FBXO34: variants seen among roughly 807,000 people sequenced by gnomAD.
FBXO34 encodes F-box only protein 34.
In FBXO34, 12 loss-of-function variants were observed where a neutral mutation model predicts 24.5. The observed-to-expected ratio is 0.49, with a 90% confidence interval of 0.31 to 0.79. The LOEUF (loss-of-function observed/expected upper bound fraction) is 0.79, where lower values mean the gene tolerates loss of function less well. FBXO34 is among the 30% of genes least tolerant of loss of function. The pLI, the probability that FBXO34 is intolerant of heterozygous loss-of-function variation, is 0.04. For synonymous variants in FBXO34, 320 were observed against 311.9 expected, an observed-to-expected ratio of 1.03 and a Z score of -0.27; for missense variants, 823 against 857.7, an observed-to-expected ratio of 0.96 and a Z score of 0.51.
At chr14:55,274,977 A>C (rs1474216507) in intron 1 of FBXO34, among the ~76,000 whole-genome samples, 2 of 152,242 alleles carry the variant, frequency 1.3e-5, no homozygotes, top group African/African-American at 4.8e-5. Flanking sequence ...CAACAAAAAC[A>C]AAAAAGAGCA....
In FBXO34 at chr14:55,301,228, G is replaced by A. The variant is rs531038878; in HGVS notation, c.-11+29691G>A. ...AGGAGGGGAGGATTGGTTGTCTCCA[G>A]GAGTTTGAGACCAGCCTGGGCAACA... On this transcript the variant is annotated intron_variant, in intron 1 of 1. Coordinates refer to ENST00000313833, the MANE Select transcript of FBXO34 (RefSeq NM_017943.4). Among the ~76,000 whole-genome samples the A allele has an allele frequency of 7.9e-5, 12 of 152,268 alleles. 1 individual carries two copies. The South Asian group carries it at 2.5e-3, about 32-fold the overall frequency.
chr14:55,351,192 G>C lies in FBXO34; in HGVS notation c.802G>C (p.Glu268Gln). Residue 268 changes from glutamate to glutamine, a missense_variant, in exon 2 of 2, where the codon GAG (glutamate) becomes CAG (glutamine). Physicochemically the swap from Glu to Gln is conservative, Grantham distance 29 (BLOSUM62 2). This residue lies in a region of FBXO34 where 693 missense variants were observed against 659.1 expected (regional missense o/e 1.05). Transcript: ENST00000313833. ...AGAACCCACAGAAAGGGGAAATCTT[G>C]AGGTTGGTGAACCACAGAGCGAACC... The part of the protein sequence containing the change: ...CEEPTERGNL[E>Q]VGEPQSEPVR... 6.2e-7 allele frequency: 1 copy of C among 1,614,228 alleles called. No individual in the cohort carries two copies. Among genetic ancestry groups the C allele is most frequent in the Non-Finnish European group, 8.5e-7 (1 of 1,180,042 alleles).
the FBXO34 span, chr14:55,436,526 CA>C: frequency 1.3e-6 from 2 of 1,557,882 alleles, no homozygotes; most frequent in Non-Finnish European, 1.8e-6. Flanking sequence ...AATGTGTACC[CA>C]ATGTGCTCAA....
the FBXO34 span, among the ~76,000 whole-genome samples, chr14:55,384,561 T>C: frequency 1.2e-4 from 18 of 152,362 alleles, no homozygotes; most frequent in African/African-American, 4.1e-4. Flanking sequence ...CCTTTTTATT[T>C]TTCTATTTGC....
At chr14:55,433,540 A>T in the FBXO34 span, 2 of 1,241,842 alleles carry the variant, frequency 1.6e-6, no homozygotes, top group East Asian at 4.7e-5. Flanking sequence ...TTTTGCTTCT[A>T]CTATGTGCTT....
At chr14:55,366,701 C>T (rs1488682210), downstream of FBXO34, 1 of 152,496 alleles carries the variant, frequency 6.6e-6, no homozygotes, top group African/African-American at 2.4e-5. Flanking sequence ...CTGTTTGGTG[C>T]CTGTGGGTTT....
chr14:55,303,580 C>G (rs1882437064), intron 1 of FBXO34, among the ~76,000 whole-genome samples: 1 of 149,638 alleles, frequency 6.7e-6, no homozygotes, highest in African/African-American at 2.5e-5. Flanking sequence ...GGACAACTCC[C>G]CTCTCCCATT....
the FBXO34 span, among the ~76,000 whole-genome samples, chr14:55,410,719 C>T: frequency 2.6e-5 from 4 of 152,206 alleles, no homozygotes; most frequent in Admixed American, 6.5e-5. Context: ...AAAGCACTTA[C>T]TGTGCAGCTT....
the FBXO34 span, among the ~76,000 whole-genome samples, chr14:55,410,008 T>C: frequency 6.6e-6 from 1 of 151,932 alleles, no homozygotes; most frequent in African/African-American, 2.4e-5. Context: ...AGATAAGTTT[T>C]GAAGAGTAGA....
At chr14:55,279,891 C>T (rs1020140103) in intron 1 of FBXO34, among the ~76,000 whole-genome samples, 5 of 152,326 alleles carry the variant, frequency 3.3e-5, no homozygotes, top group Admixed American at 2.0e-4. Flanking sequence ...CCAGTAGATA[C>T]TGAGTAGCAA....
chr14:55,407,793 G>A, the FBXO34 span, among the ~76,000 whole-genome samples: 6 of 152,148 alleles, frequency 3.9e-5, no homozygotes, highest in African/African-American at 1.4e-4. Flanking sequence ...TAATGAATAG[G>A]GGAAAAGATG....
In FBXO34 at chr14:55,351,017, G is replaced by A. The variant is rs1379418870; in HGVS notation, c.627G>A (p.Gln209=). ...VYAGRPLSVI[Q]MVAFLEQRAS... is the part of the protein sequence containing the mutation. ...CTGGGAGGCCTCTGTCAGTTATACA[G>A]ATGGTTGCCTTCTTGGAGCAAAGAG... Residue 209 remains glutamine (Q), a synonymous_variant, in exon 2 of 2, where the codon CAG becomes CAA. Transcript: ENST00000313833. 2 of 1,614,230 alleles carry A rather than the reference G, an allele frequency of 1.2e-6. No individual in the cohort carries two copies. Among genetic ancestry groups the A allele is most frequent in the South Asian group, 2.2e-5 (2 of 91,086 alleles).
chr14:55,352,598 G>GC lies in FBXO34; in HGVS notation c.*73dup, dbSNP rs1884431566. On this transcript the variant is annotated 3_prime_UTR_variant, in exon 2 of 2. Transcript: ENST00000313833. Reference sequence around the variant, plus strand: ...ACACCTAGATACACCGTTCAAATGAGCGTAGCCCCCTGAGTCATCACTCTA... The same window carrying GC: ...ACACCTAGATACACCGTTCAAATGAGCCGTAGCCCCCTGAGTCATCACTCTA... 2.4e-6 allele frequency: 3 copies of GC among 1,267,212 alleles called. No homozygotes were observed. Among genetic ancestry groups the GC allele is most frequent in the Non-Finnish European group, 2.2e-6 (2 of 922,132 alleles). The allele number at this position is 1,267,212 out of a possible 1,614,324, so 78.5% of individuals were successfully genotyped here.
chr14:55,373,735 A>G (rs537642028), downstream of FBXO34, among the ~76,000 whole-genome samples: 1 of 152,094 alleles, frequency 6.6e-6, no homozygotes, highest in Admixed American at 6.5e-5. Flanking sequence ...CTGGGATTAC[A>G]GGTGTGAGCC....
chr14:55,420,572 C>T, the FBXO34 span, among the ~76,000 whole-genome samples: 1 of 152,150 alleles, frequency 6.6e-6, no homozygotes, highest in African/African-American at 2.4e-5. Flanking sequence ...ACAGTATAAG[C>T]AGAATTTGGA....
chr14:55,355,949 G>A (rs1042552072), downstream of FBXO34, among the ~76,000 whole-genome samples: 3 of 152,192 alleles, frequency 2.0e-5, no homozygotes, highest in Admixed American at 6.5e-5. Flanking sequence ...GGTCTCATGG[G>A]AGCATCCTTG....
the FBXO34 span, chr14:55,437,036 CA>C: frequency 6.2e-7 from 1 of 1,607,018 alleles, no homozygotes; most frequent in East Asian, 2.2e-5. Flanking sequence ...GTTCCCAAAA[CA>C]GACAGACAAA....
chr14:55,432,968 T>C, the FBXO34 span, among the ~76,000 whole-genome samples: 1 of 152,164 alleles, frequency 6.6e-6, no homozygotes, highest in Non-Finnish European at 1.5e-5. Flanking sequence ...TCCATTTATC[T>C]GCAATGAGGA....
Position 55,350,657 on chromosome 14 carries a change from G to T in FBXO34, c.267G>T (p.Lys89Asn), listed in dbSNP as rs548100806. 1.1e-5 allele frequency: 17 copies of T among 1,613,888 alleles called. No homozygotes were observed. Among genetic ancestry groups the T allele is most frequent in the East Asian group, 8.9e-5 (4 of 44,870 alleles). ...VESSLNVKTK[K>N]NAPSATIHQG... ...GCAGCTTGAATGTTAAAACCAAAAA[G>T]AATGCACCATCTGCAACGATCCACC... Residue 89 changes from lysine (K) to asparagine (N), a missense_variant, in exon 2 of 2, where the codon AAG becomes AAT. By Grantham distance (94) the Lys-to-Asn change is moderately conservative. This residue lies in a region of FBXO34 where 693 missense variants were observed against 659.1 expected (regional missense o/e 1.05). Transcript: ENST00000313833.
Sources: gnomAD v4.1 joint callset for allele counts (sites outside exome capture counted in the v4.1 genomes callset) on GRCh38, gnomAD v4.1.1 for gene constraint, gnomAD v4.1.1 regional missense constraint, MANE v1.5 for transcripts, NCBI Gene and HGNC (gene_info 2026-07-23, HGNC 2026-07-21) for gene names.